ANKRD37: variants seen among roughly 807,000 people sequenced by gnomAD.
ANKRD37 encodes the protein ankyrin repeat domain 37, also known as ankyrin repeat domain-containing protein 37.
Under a neutral mutation model 19.7 loss-of-function variants are expected in ANKRD37, and 17 were observed. That is an observed-to-expected ratio of 0.86 (90% CI 0.59 to 1.29). The LOEUF (loss-of-function observed/expected upper bound fraction) is 1.29. ANKRD37 is among the 50% of genes most tolerant of loss of function. The pLI is 0.00. For missense variants in ANKRD37, 207 were observed against 190.4 expected (o/e 1.09, Z -0.51); for synonymous variants, 79 against 74.5 (o/e 1.06, Z -0.31).
At chr4:185,396,971 G>A (rs1212271970) in intron 1 of ANKRD37, 21 bp downstream of exon 1, 12 of 1,613,172 alleles carry the variant, frequency 7.4e-6, no homozygotes, top group South Asian at 1.1e-5. Context: ...GGCTCACAGA[G>A]CCCGAGCTTT....
intron 1 of ANKRD37, 29 bp downstream of exon 1, chr4:185,396,979 T>A (rs375151146): frequency 1.2e-6 from 2 of 1,613,090 alleles, no homozygotes; most frequent in Non-Finnish European, 1.7e-6. Flanking sequence ...GAGCCCGAGC[T>A]TTTGTCCTGC....
intron 1 of ANKRD37, 50 bp downstream of exon 1, chr4:185,397,000 T>C (rs778091654): frequency 1.2e-6 from 2 of 1,612,270 alleles, no homozygotes; most frequent in Non-Finnish European, 1.7e-6. Context: ...AGGCTCAAGC[T>C]TCTAGATTCG....
At position 185,397,663 on chromosome 4, in the gene ANKRD37, A is replaced by G. The variant is rs1453221269; in HGVS notation, c.180+361A>G. On this transcript the variant is annotated intron_variant, in intron 2 of 4. Coordinates refer to ENST00000335174, the MANE Select transcript of ANKRD37 (RefSeq NM_181726.4). Reference sequence around the variant, plus strand: ...CAATCTGGTGTGACAGCGTATCTCAAATCAGACTAGCCACATTTCAAATAC... The same window carrying G: ...CAATCTGGTGTGACAGCGTATCTCAGATCAGACTAGCCACATTTCAAATAC... The G allele has an allele frequency of 2.7e-5, 6 of 220,176 alleles. No homozygotes were observed. The East Asian group carries it at 8.5e-4, about 31-fold the overall frequency. 13.6% of individuals were successfully genotyped at this position (220,176 alleles called of 1,614,324 possible).
At chr4:185,400,607 T>C (rs542776845), downstream of ANKRD37, 5 of 568,126 alleles carry the variant, frequency 8.8e-6, 1 homozygote, top group East Asian at 6.0e-5. Flanking sequence ...ATTCAAGGAT[T>C]TGAATTCCTA....
intron 4 of ANKRD37, 113 bp from the exon 5 acceptor site, chr4:185,399,903 AC>A: frequency 6.5e-7 from 1 of 1,539,054 alleles, no homozygotes; most frequent in Non-Finnish European, 8.7e-7. Flanking sequence ...ACATTTTAGT[AC>A]TGGTTATACT....
downstream of ANKRD37, chr4:185,400,560 A>C: frequency 9.9e-7 from 1 of 1,008,362 alleles, no homozygotes; most frequent in South Asian, 1.5e-5. Context: ...AGGCTCTGTC[A>C]GCAGGACCTT....
Position 185,399,005 on chromosome 4 carries a change from T to G in ANKRD37, c.249T>G (p.Leu83=). The change falls in exon 3 of 5, where the codon CTT becomes CTG. Residue 83 remains leucine, a synonymous_variant. Transcript: ENST00000335174. ...GAAGCCTGGAGTGCCTAAGCCTGCT[T>G]GTAGCCAGTGATGCCCAAATTGAGT... ...KVGSLECLSL[L]VASDAQIDLC... 1.9e-6 allele frequency: 3 copies of G among 1,613,840 alleles called. No homozygotes were observed. The highest frequency in any genetic ancestry group is 2.5e-6 in the Non-Finnish European group (3 of 1,179,798).
downstream of ANKRD37, chr4:185,400,422 T>C (rs1207569166): frequency 1.2e-6 from 2 of 1,613,840 alleles, no homozygotes; most frequent in Admixed American, 1.7e-5. Context: ...GAGGAAGACA[T>C]AAGTTATAGT....
chr4:185,400,140 T>C lies in ANKRD37; in HGVS notation c.*123T>C. ...CTTCTGAGAAGGACGAAAAACTTTC[T>C]TCCAAGTGAAGATCCATTTAAGAAC... is the stretch of plus-strand genomic sequence containing the variant. On this transcript the variant is annotated 3_prime_UTR_variant, in exon 5 of 5. Coordinates refer to ENST00000335174, the MANE Select transcript of ANKRD37 (RefSeq NM_181726.4). 1.1e-6 allele frequency: 1 copy of C among 940,104 alleles called. No individual in the cohort carries two copies. Among genetic ancestry groups the C allele is most frequent in the South Asian group, 1.6e-5 (1 of 62,040 alleles). The allele number at this position is 940,104 out of a possible 1,614,324, so 58.2% of individuals were successfully genotyped here.
In ANKRD37 at chr4:185,399,129, G is replaced by A. The variant is rs145951071; in HGVS notation, c.272+101G>A. ...ATGTGCTTTTAAAAATAATGCTTGC[G>A]TAATTGATAATTTAGTGTTAATCAT... is the stretch of plus-strand genomic sequence containing the variant. On this transcript the variant is annotated intron_variant, in intron 3 of 4. Coordinates refer to ENST00000335174, the MANE Select transcript of ANKRD37 (RefSeq NM_181726.4). The A allele has an allele frequency of 6.7e-3, 6,555 of 975,772 alleles. 38 individuals carry two copies. Among genetic ancestry groups the A allele is most frequent in the Non-Finnish European group, 8.0e-3 (5,063 of 632,070 alleles). The allele number at this position is 975,772 out of a possible 1,614,324, so 60.4% of individuals were successfully genotyped here.
rs766242775 is a variant in ANKRD37, at chr4:185,397,233, A to G, written c.111A>G (p.Leu37=). ...PDPCKQSPVH[L]AAGSGLACFL... ...CCTGCAAGCAGTCGCCTGTCCACTT[A>G]GCCGCAGGAAGCGGCCTTGCTTGCT... The change falls in exon 2 of 5, where the codon TTA becomes TTG. Residue 37 remains leucine (L), a synonymous_variant. Transcript: ENST00000335174. 2 of 1,614,156 alleles carry G rather than the reference A, an allele frequency of 1.2e-6. No individual in the cohort carries two copies.
At chr4:185,400,705 A>T (rs1561105016), downstream of ANKRD37, 2 of 389,422 alleles carry the variant, frequency 5.1e-6, no homozygotes, top group East Asian at 7.9e-5. Context: ...AAAAATCATT[A>T]AAAAAAATTT....
chr4:185,398,913 T>TA, intron 2 of ANKRD37, 24 bp from the exon 3 acceptor site: 1 of 1,601,404 alleles, frequency 6.2e-7, no homozygotes, highest in Non-Finnish European at 8.5e-7. Context: ...TGGGAGACTC[T>TA]AAAATGCACC....
intron 4 of ANKRD37, 104 bp from the exon 5 acceptor site, chr4:185,399,913 C>T (rs1053218): frequency 0.74 from 1,144,584 of 1,539,990 alleles, 432,646 homozygotes; most frequent in East Asian, 0.9. Context: ...ACTGGTTATA[C>T]TTACCAGAGT....
In ANKRD37 at chr4:185,400,144, A is replaced by G. The variant is rs1224619559; in HGVS notation, c.*127A>G. On this transcript the variant is annotated 3_prime_UTR_variant, in exon 5 of 5. Coordinates refer to ENST00000335174, the MANE Select transcript of ANKRD37 (RefSeq NM_181726.4). ...TGAGAAGGACGAAAAACTTTCTTCC[A>G]AGTGAAGATCCATTTAAGAACACAT... 5.5e-6 allele frequency: 5 copies of G among 902,692 alleles called. No homozygotes were observed. In the African/African-American group the frequency reaches 6.8e-5, roughly 12 times the overall value. The allele number at this position is 902,692 out of a possible 1,614,324, so 55.9% of individuals were successfully genotyped here. A position where few individuals can be genotyped will look rare whatever the true frequency, so the allele number is the denominator to read the frequency against.
chr4:185,399,750 T>A lies in ANKRD37; in HGVS notation c.453T>A (p.Asn151Lys), dbSNP rs896704354. The A allele has an allele frequency of 6.2e-7, 1 of 1,613,974 alleles. No individual in the cohort carries two copies. ...RQKRSLGSVE[N>K]TSGKRKC ...AACGGAGTCTCGGAAGTGTAGAAAATACCAGTGGGAAAAGGAAGTGCTGGT... is the reference window on the plus strand; with the variant it reads ...AACGGAGTCTCGGAAGTGTAGAAAAAACCAGTGGGAAAAGGAAGTGCTGGT... Residue 151 changes from asparagine to lysine, a missense_variant, in exon 4 of 5, where the codon AAT (asparagine) becomes AAA (lysine). Asn to Lys is a moderately conservative substitution (Grantham distance 94, BLOSUM62 0). Coordinates refer to ENST00000335174, the MANE Select transcript of ANKRD37 (RefSeq NM_181726.4).
chr4:185,400,234 C>G lies in ANKRD37; in HGVS notation c.*217C>G. Reference sequence around the variant, plus strand: ...GTCTTTTAAGTTATTAAAGGAACGTCTAAAAAATACATTCTCCGTGCAGTA... The same window carrying G: ...GTCTTTTAAGTTATTAAAGGAACGTGTAAAAAATACATTCTCCGTGCAGTA... On this transcript the variant is annotated 3_prime_UTR_variant, in exon 5 of 5. Transcript: ENST00000335174. 1 of 725,014 alleles carries G rather than the reference C, an allele frequency of 1.4e-6. No individual in the cohort carries two copies. Among genetic ancestry groups the G allele is most frequent in the Non-Finnish European group, 2.2e-6 (1 of 450,236 alleles). 44.9% of individuals were successfully genotyped at this position (725,014 alleles called of 1,614,324 possible).
intron 2 of ANKRD37, chr4:185,397,749 A>G (rs143264874): frequency 8.7e-4 from 122 of 139,762 alleles, no homozygotes; most frequent in Non-Finnish European, 1.3e-3. Flanking sequence ...TTATTTCAAA[A>G]GAAGTAATTG....
intron 2 of ANKRD37, among the ~76,000 whole-genome samples, chr4:185,398,584 T>C (rs1466508433): frequency 1.3e-5 from 2 of 152,220 alleles, no homozygotes; most frequent in Non-Finnish European, 2.9e-5. Context: ...TACTTAATTC[T>C]GCATTTCTGA....
Sources: gnomAD v4.1 joint callset for allele counts (sites outside exome capture counted in the v4.1 genomes callset) on GRCh38, gnomAD v4.1.1 for gene constraint, MANE v1.5 for transcripts, NCBI Gene and HGNC (gene_info 2026-07-23, HGNC 2026-07-21) for gene names.